The following UPP2 variants were observed in gnomAD, a reference collection of about 807,000 sequenced individuals.
The protein encoded by UPP2 is UPase 2.
In UPP2, 23 loss-of-function variants were observed where a neutral mutation model predicts 26.7. The ratio of observed to expected loss-of-function variants is 0.86; its 90% CI spans 0.62 to 1.22. The LOEUF (loss-of-function observed/expected upper bound fraction) is 1.22, where lower values mean the gene tolerates loss of function less well. UPP2 is among the 50% of genes most tolerant of loss of function. The pLI is 0.00. For missense variants in UPP2, 387 were observed against 396.7 expected (o/e 0.98, Z 0.21); for synonymous variants, 127 against 141.3 (o/e 0.90, Z 0.72).
chr2:158,121,001 T>G (rs1683554505), intron 4 of UPP2, among the ~76,000 whole-genome samples: 1 of 151,854 alleles, frequency 6.6e-6, no homozygotes, highest in Non-Finnish European at 1.5e-5. Flanking sequence ...AAAAAGAGGA[T>G]AGAGATGCAA....
intron 2 of UPP2, 96 bp from the exon 3 acceptor site, chr2:158,115,005 T>C: frequency 2.4e-6 from 3 of 1,256,270 alleles, no homozygotes; most frequent in Non-Finnish European, 3.2e-6. Context: ...CTTAAGTAAA[T>C]TAACTAAAAA....
intron 2 of UPP2, among the ~76,000 whole-genome samples, chr2:158,004,390 T>C (rs1264765521): frequency 1.3e-5 from 2 of 148,982 alleles, no homozygotes; most frequent in African/African-American, 5.0e-5. Flanking sequence ...GTGGAGAGAA[T>C]AAGAAAAAAA....
chr2:157,997,953 A>G (rs754474102), intron 2 of UPP2, among the ~76,000 whole-genome samples: 25 of 152,242 alleles, frequency 1.6e-4, no homozygotes, highest in Non-Finnish European at 3.7e-4. Context: ...CAAACATTTC[A>G]AGACTTTGCT....
At chr2:158,117,528 C>A (rs544910958) in intron 3 of UPP2, among the ~76,000 whole-genome samples, 1 of 152,000 alleles carries the variant, frequency 6.6e-6, no homozygotes, top group East Asian at 1.9e-4. Context: ...GAAATGGCAC[C>A]GCCCTGACAC....
At chr2:158,113,707 CAGTT>C (rs1032510806) in intron 2 of UPP2, among the ~76,000 whole-genome samples, 1 of 152,190 alleles carries the variant, frequency 6.6e-6, no homozygotes, top group African/African-American at 2.4e-5. Flanking sequence ...TCTATAACCT[CAGTT>C]AGGTATTTCG....
intron 3 of UPP2, among the ~76,000 whole-genome samples, chr2:158,053,616 G>A (rs981662252): frequency 2.0e-5 from 3 of 152,150 alleles, no homozygotes; most frequent in Non-Finnish European, 4.4e-5. Flanking sequence ...ATAGGGCTTT[G>A]ATTTCTAGGT....
At chr2:158,083,850 TTATATATATATGTTTTTTA>T (rs2105196755) in intron 3 of UPP2, among the ~76,000 whole-genome samples, 1 of 143,992 alleles carries the variant, frequency 6.9e-6, no homozygotes, top group African/African-American at 2.7e-5. Context: ...TTATGTCTGT[TTATATATATATGTTTTTTA>T]TATATATATA....
chr2:158,071,020 T>G (rs753688487), intron 3 of UPP2, among the ~76,000 whole-genome samples: 1 of 152,188 alleles, frequency 6.6e-6, no homozygotes, highest in East Asian at 1.9e-4. Context: ...TCCCAGTGGT[T>G]GGGACTTGAG....
At chr2:158,046,366 C>T (rs142876726) in intron 3 of UPP2, among the ~76,000 whole-genome samples, 9 of 152,272 alleles carry the variant, frequency 5.9e-5, no homozygotes, top group African/African-American at 2.2e-4. Flanking sequence ...TAAATCATAA[C>T]CTACAACTTC....
intron 3 of UPP2, among the ~76,000 whole-genome samples, chr2:158,034,664 A>G: frequency 6.6e-6 from 1 of 152,182 alleles, no homozygotes; most frequent in East Asian, 1.9e-4. Context: ...TGTCCTATAA[A>G]TCTGGACTAA....
chr2:158,110,533 G>T (rs1381675799), intron 2 of UPP2, among the ~76,000 whole-genome samples: 1 of 152,144 alleles, frequency 6.6e-6, no homozygotes, highest in Non-Finnish European at 1.5e-5. Flanking sequence ...TGGGTCAAAT[G>T]ATATTTCTAG....
At chr2:158,058,165 C>T (rs988799033) in intron 3 of UPP2, among the ~76,000 whole-genome samples, 4 of 151,840 alleles carry the variant, frequency 2.6e-5, no homozygotes, top group East Asian at 1.9e-4. Flanking sequence ...TTGTGGCGTG[C>T]GCCTGTAGTC....
At chr2:158,121,884 A>C (rs753683453) in intron 5 of UPP2, among the ~76,000 whole-genome samples, 7 of 152,040 alleles carry the variant, frequency 4.6e-5, no homozygotes, top group South Asian at 2.1e-4. Context: ...ACAGAATCTT[A>C]TCTCTGTTTA....
In UPP2 at chr2:158,058,292, C is replaced by CAA. The variant is rs57994785; in HGVS notation, c.147+42437_147+42438dup. Among the ~76,000 whole-genome samples the CAA allele has an allele frequency of 1.2e-3, 46 of 38,792 alleles. 6 individuals carry two copies. Among genetic ancestry groups the CAA allele is most frequent in the East Asian group, 6.8e-3 (6 of 880 alleles). 25.4% of individuals were successfully genotyped at this position (38,792 alleles called of 152,430 possible). On this transcript the variant is annotated intron_variant, in intron 3 of 9. Transcript: ENST00000605860. The stretch of plus-strand genomic sequence containing the variant: ...TGGGCGACAGAGCGAGACTCCGTCT[C>CAA]AAAAAAAAAAAAAAAAAAAAAAAAA...
chr2:158,106,243 A>C (rs1683191701), intron 2 of UPP2, 27 bp downstream of exon 2: 2 of 1,590,812 alleles, frequency 1.3e-6, no homozygotes, highest in African/African-American at 1.4e-5. Context: ...TTTCAGGAAA[A>C]ATGATTGAGT....
chr2:158,042,808 G>A (rs1333902702), intron 3 of UPP2, among the ~76,000 whole-genome samples: 3 of 152,150 alleles, frequency 2.0e-5, no homozygotes, highest in African/African-American at 2.4e-5. Context: ...CGGCGAGGAT[G>A]CTGGAGAGGA....
intron 1 of UPP2, 40 bp downstream of exon 1, chr2:158,102,165 G>T: frequency 6.2e-7 from 1 of 1,601,834 alleles, no homozygotes. Context: ...TTGATCAGAT[G>T]GTTGCTCCTT....
At chr2:158,116,297 T>C (rs1022308786) in intron 3 of UPP2, among the ~76,000 whole-genome samples, 1 of 152,208 alleles carries the variant, frequency 6.6e-6, no homozygotes, top group Non-Finnish European at 1.5e-5. Context: ...CTTGGTAAAT[T>C]TTTTCTTACC....
chr2:158,042,025 C>T (rs1684088406), intron 3 of UPP2, among the ~76,000 whole-genome samples: 2 of 152,264 alleles, frequency 1.3e-5, no homozygotes, highest in South Asian at 2.1e-4. Context: ...ATCACACTTC[C>T]TTGGATATAC....
Sources: gnomAD v4.1 joint callset for allele counts (sites outside exome capture counted in the v4.1 genomes callset) on GRCh38, gnomAD v4.1.1 for gene constraint, MANE v1.5 for transcripts, NCBI Gene and HGNC (gene_info 2026-07-23, HGNC 2026-07-21) for gene names.